Variants in CDH18 observed in about 807,000 individuals in gnomAD.
The protein encoded by CDH18 is cadherin-18.
A neutral mutation model predicts 67.9 loss-of-function variants in CDH18; 31 were observed. That is an observed-to-expected ratio of 0.46 (90% CI 0.34 to 0.62). The LOEUF is 0.62. CDH18 is among the 20% of genes least tolerant of loss of function. The pLI is 0.01. For synonymous variants in CDH18, 362 were observed against 347.2 expected, an observed-to-expected ratio of 1.04 and a Z score of -0.48; for missense variants, 890 against 975.5, an observed-to-expected ratio of 0.91 and a Z score of 1.17.
chr5:19,683,056 CAT>C (rs540442266), intron 5 of CDH18, among the ~76,000 whole-genome samples: 3 of 151,548 alleles, frequency 2.0e-5, no homozygotes, highest in African/African-American at 7.3e-5. Context: ...TTTTACAGAA[CAT>C]ATATATATAT....
At chr5:20,211,308 C>G (rs1228351321) in intron 2 of CDH18, among the ~76,000 whole-genome samples, 1 of 152,116 alleles carries the variant, frequency 6.6e-6, no homozygotes, top group Non-Finnish European at 1.5e-5. Flanking sequence ...GACTCCACCT[C>G]TGGGGGTAGG....
intron 7 of CDH18, among the ~76,000 whole-genome samples, chr5:19,588,025 A>C (rs1744473439): frequency 6.6e-6 from 1 of 151,912 alleles, no homozygotes; most frequent in Non-Finnish European, 1.5e-5. Context: ...CCATATCGCT[A>C]GGTATTTTAC....
intron 1 of CDH18, among the ~76,000 whole-genome samples, chr5:20,540,990 TCA>T (rs980481707): frequency 3.3e-5 from 5 of 152,192 alleles, no homozygotes; most frequent in African/African-American, 1.2e-4. Context: ...AGTTCTATTC[TCA>T]CACTCTTGAT....
At chr5:20,525,979 G>T (rs1037729331) in intron 1 of CDH18, among the ~76,000 whole-genome samples, 1 of 151,358 alleles carries the variant, frequency 6.6e-6, no homozygotes, top group African/African-American at 2.5e-5. Flanking sequence ...AGTAGCAAAA[G>T]AAAACAATAT....
chr5:19,945,394 A>C (rs943514394), intron 2 of CDH18, among the ~76,000 whole-genome samples: 1 of 152,176 alleles, frequency 6.6e-6, no homozygotes, highest in Non-Finnish European at 1.5e-5. Flanking sequence ...AAGAAGGGCA[A>C]CTGAATGGTG....
At chr5:19,838,659 G>T in intron 3 of CDH18, 100 bp downstream of exon 3, 1 of 714,640 alleles carries the variant, frequency 1.4e-6, no homozygotes, top group Non-Finnish European at 2.4e-6. Context: ...AACATAATTT[G>T]CTTCATTTGT....
chr5:19,982,122 T>C (rs963268599), intron 1 of CDH18, among the ~76,000 whole-genome samples: 1 of 152,204 alleles, frequency 6.6e-6, no homozygotes, highest in Admixed American at 6.5e-5. Context: ...ATTTTAGTTA[T>C]CAAAATAGGA....
intron 5 of CDH18, among the ~76,000 whole-genome samples, chr5:19,699,638 G>GTC (rs1465074221): frequency 7.4e-4 from 107 of 144,430 alleles, no homozygotes; most frequent in East Asian, 8.4e-4. Flanking sequence ...GTGTGTGTGT[G>GTC]TGTCTGTGTG....
chr5:19,734,219 T>A (rs961601403), intron 4 of CDH18, among the ~76,000 whole-genome samples: 5 of 152,210 alleles, frequency 3.3e-5, no homozygotes, highest in African/African-American at 1.2e-4. Context: ...TAGCACATTA[T>A]CATTTAAAAA....
chr5:20,149,140 A>G (rs1327793511), intron 2 of CDH18, among the ~76,000 whole-genome samples: 3 of 152,148 alleles, frequency 2.0e-5, no homozygotes, highest in Non-Finnish European at 2.9e-5. Context: ...ATTCTGACTT[A>G]TTTCCAGAAC....
chr5:20,042,774 T>C (rs1740547247), intron 2 of CDH18, among the ~76,000 whole-genome samples: 1 of 151,942 alleles, frequency 6.6e-6, no homozygotes, highest in Non-Finnish European at 1.5e-5. Context: ...CCATCCTGGC[T>C]AACACAGTGT....
At chr5:19,822,226 CA>C (rs561529110) in intron 3 of CDH18, among the ~76,000 whole-genome samples, 121 of 152,212 alleles carry the variant, frequency 7.9e-4, no homozygotes, top group Non-Finnish European at 1.6e-3. Flanking sequence ...TCAAAAGGTC[CA>C]GCTCACATGT....
chr5:20,061,974 G>T (rs921408553), intron 2 of CDH18, among the ~76,000 whole-genome samples: 2 of 151,904 alleles, frequency 1.3e-5, no homozygotes, highest in Middle Eastern at 3.2e-3. Context: ...TGTCCTAAGT[G>T]CATTACTGAA....
intron 2 of CDH18, among the ~76,000 whole-genome samples, chr5:19,941,415 T>A (rs907754257): frequency 5.9e-5 from 9 of 152,118 alleles, no homozygotes; most frequent in African/African-American, 1.9e-4. Flanking sequence ...GAGACGGGAC[T>A]GAGTAGAAGT....
chr5:19,749,192 G>A (rs1260940127), intron 3 of CDH18, among the ~76,000 whole-genome samples: 3 of 151,930 alleles, frequency 2.0e-5, no homozygotes, highest in Non-Finnish European at 4.4e-5. Context: ...CTAACTTCGC[G>A]TCAATCCATG....
chr5:20,467,017 G>A (rs11958215), intron 1 of CDH18, among the ~76,000 whole-genome samples: 12,693 of 152,030 alleles, frequency 0.083, 1,707 homozygotes, highest in African/African-American at 0.28. Context: ...ATTGAAGATC[G>A]CCTGGCAACA....
chr5:19,626,443 A>ATT (rs1580570890), intron 5 of CDH18, among the ~76,000 whole-genome samples: 1 of 152,192 alleles, frequency 6.6e-6, no homozygotes, highest in Non-Finnish European at 1.5e-5. Context: ...CAAGTGTGAG[A>ATT]TCATGAAGAG....
chr5:20,381,670 A>T (rs965970817), intron 1 of CDH18, among the ~76,000 whole-genome samples: 18 of 152,208 alleles, frequency 1.2e-4, no homozygotes, highest in African/African-American at 4.3e-4. Flanking sequence ...CAAATAAATA[A>T]GTAAATAAAA....
At chr5:19,971,190 T>A (rs995049524) in intron 2 of CDH18, among the ~76,000 whole-genome samples, 3 of 151,944 alleles carry the variant, frequency 2.0e-5, no homozygotes, top group African/African-American at 4.8e-5. Context: ...TCTGAAAATA[T>A]TCAGAATATA....
Sources: allele counts gnomAD v4.1 joint callset (sites outside exome capture counted in the v4.1 genomes callset), GRCh38; gene constraint gnomAD v4.1.1; transcripts MANE v1.5; gene names NCBI Gene and HGNC (gene_info 2026-07-23, HGNC 2026-07-21).